The following NAALADL2 variants were observed in gnomAD, a reference collection of about 807,000 sequenced individuals.
NAALADL2 encodes inactive N-acetylated-alpha-linked acidic dipeptidase-like protein 2.
A neutral mutation model predicts 87.2 loss-of-function variants in NAALADL2; 76 were observed. The observed-to-expected ratio is 0.87, with a 90% CI of 0.72 to 1.05. NAALADL2 has a LOEUF of 1.05. NAALADL2 is among the 50% of genes least tolerant of loss of function. The pLI is 0.00. For missense variants in NAALADL2, 1,089 were observed against 945.8 expected, an observed-to-expected ratio of 1.15 and a Z score of -1.99; for synonymous variants, 354 against 331.0, an observed-to-expected ratio of 1.07 and a Z score of -0.75.
chr3:174,497,712 G>A (rs1034864271), intron 1 of NAALADL2, among the ~76,000 whole-genome samples: 5 of 152,088 alleles, frequency 3.3e-5, no homozygotes, highest in East Asian at 1.9e-4. Context: ...TGAAGCTGGC[G>A]CAGACTGACT....
intron 1 of NAALADL2, among the ~76,000 whole-genome samples, chr3:175,070,018 A>T (rs1474805532): frequency 1.0e-5 from 1 of 97,040 alleles, no homozygotes. Context: ...GTTGTGGGGT[A>T]GGGGGAGGGG....
intron 2 of NAALADL2, among the ~76,000 whole-genome samples, chr3:174,553,020 A>C (rs1712335687): frequency 6.6e-6 from 1 of 152,100 alleles, no homozygotes; most frequent in East Asian, 1.9e-4. Context: ...TGAGATTAAT[A>C]AATGGTGGAC....
intron 11 of NAALADL2, among the ~76,000 whole-genome samples, chr3:175,651,534 T>C (rs1730767185): frequency 6.6e-6 from 1 of 152,150 alleles, no homozygotes; most frequent in Non-Finnish European, 1.5e-5. Context: ...TATTTAAAGA[T>C]AGGACAGCAG....
In NAALADL2 at chr3:175,033,746, A is replaced by G. The variant is rs1753061952; in HGVS notation, c.44-63044A>G. ...GGAATATCACAAGCTCAATGCTTGG[A>G]ACTCTTTCTTCTCCCTTTACTCTCA... is the stretch of plus-strand genomic sequence containing the variant. On this transcript the variant is annotated intron_variant, in intron 1 of 13. Coordinates refer to ENST00000454872, the MANE Select transcript of NAALADL2 (RefSeq NM_207015.3). Among the ~76,000 whole-genome samples, 3 of 152,094 alleles carry G rather than the reference A, an allele frequency of 2.0e-5. No homozygotes were observed. In the South Asian group the frequency reaches 6.2e-4, roughly 32 times the overall value.
chr3:175,606,056 A>C lies in NAALADL2; in HGVS notation c.1801-21235A>C, dbSNP rs138716388. Among the ~76,000 whole-genome samples the C allele has an allele frequency of 9.2e-3, 1,406 of 152,276 alleles. 19 individuals are homozygous for C. Among genetic ancestry groups the C allele is most frequent in the African/African-American group, 0.03 (1,258 of 41,546 alleles). ...CAGCAAGTTTTAGCAACTGTTCTTT[A>C]CATCACTACGATGTTGTATGTCCTC... On this transcript the variant is annotated intron_variant, in intron 10 of 13. Coordinates refer to ENST00000454872, the MANE Select transcript of NAALADL2 (RefSeq NM_207015.3).
chr3:175,612,025 G>A (rs943608784), intron 10 of NAALADL2, among the ~76,000 whole-genome samples: 1 of 152,118 alleles, frequency 6.6e-6, no homozygotes, highest in Non-Finnish European at 1.5e-5. Flanking sequence ...AGATATTCCA[G>A]AAATATTCTT....
intron 9 of NAALADL2, among the ~76,000 whole-genome samples, chr3:175,508,192 A>C (rs756675142): frequency 6.6e-6 from 1 of 152,220 alleles, no homozygotes; most frequent in Non-Finnish European, 1.5e-5. Context: ...CAAGTCATTC[A>C]TGAGGGATCT....
At chr3:175,471,525 G>A in intron 8 of NAALADL2, 114 bp from the exon 9 acceptor site, 4 of 639,124 alleles carry the variant, frequency 6.3e-6, no homozygotes, top group Non-Finnish European at 1.1e-5. Context: ...AGGTAATTAT[G>A]CAATATAATA....
At chr3:174,834,873 A>G (rs904662929) in intron 3 of NAALADL2, among the ~76,000 whole-genome samples, 3 of 151,866 alleles carry the variant, frequency 2.0e-5, no homozygotes, top group Non-Finnish European at 2.9e-5. Flanking sequence ...ATTGACCTTT[A>G]GATTTCATTT....
At chr3:174,650,567 C>G (rs1724253220) in intron 2 of NAALADL2, among the ~76,000 whole-genome samples, 1 of 152,096 alleles carries the variant, frequency 6.6e-6, no homozygotes, top group African/African-American at 2.4e-5. Flanking sequence ...TGGAATTCAT[C>G]TTAAGAATTT....
intron 10 of NAALADL2, among the ~76,000 whole-genome samples, chr3:175,619,276 A>AAGAG (rs1401997946): frequency 1.4e-5 from 2 of 148,094 alleles, no homozygotes; most frequent in Admixed American, 6.7e-5. Context: ...AGGAGAAGGA[A>AAGAG]AGAAAGAAAG....
chr3:175,488,319 A>G (rs543142713), intron 9 of NAALADL2, among the ~76,000 whole-genome samples: 2 of 152,334 alleles, frequency 1.3e-5, no homozygotes, highest in African/African-American at 4.8e-5. Flanking sequence ...TCTAGCTATA[A>G]TCTAGAACAT....
At chr3:175,289,139 G>GC (rs60830261) in intron 4 of NAALADL2, among the ~76,000 whole-genome samples, 112,975 of 151,816 alleles carry the variant, frequency 0.74, 42,492 homozygotes, top group Non-Finnish European at 0.79. Flanking sequence ...GCAATAATTA[G>GC]AAAAAAATTA....
At chr3:175,332,905 CTG>C (rs1028411332) in intron 5 of NAALADL2, among the ~76,000 whole-genome samples, 1 of 152,142 alleles carries the variant, frequency 6.6e-6, no homozygotes, top group African/African-American at 2.4e-5. Flanking sequence ...GCTGGGCACT[CTG>C]GTATTGGGTG....
chr3:174,840,185 A>AT (rs1391440263), intron 3 of NAALADL2, among the ~76,000 whole-genome samples: 2 of 151,706 alleles, frequency 1.3e-5, no homozygotes, highest in Non-Finnish European at 2.9e-5. Flanking sequence ...GATGTATGAT[A>AT]CATATAAATA....
intron 4 of NAALADL2, among the ~76,000 whole-genome samples, chr3:175,304,708 T>C (rs1757486576): frequency 6.6e-6 from 1 of 152,200 alleles, no homozygotes; most frequent in Admixed American, 6.5e-5. Flanking sequence ...TCTGGAAATA[T>C]TTAGTTTATC....
chr3:174,493,346 TATAA>T (rs1285835134), intron 1 of NAALADL2, among the ~76,000 whole-genome samples: 1 of 152,192 alleles, frequency 6.6e-6, no homozygotes, highest in Non-Finnish European at 1.5e-5. Context: ...GGCATGATTA[TATAA>T]AGATACAGGA....
At chr3:175,550,028 G>A (rs1714077952) in intron 9 of NAALADL2, among the ~76,000 whole-genome samples, 1 of 152,028 alleles carries the variant, frequency 6.6e-6, no homozygotes, top group South Asian at 2.1e-4. Flanking sequence ...GTGGTTATGT[G>A]ACAAGACAAA....
intron 1 of NAALADL2, among the ~76,000 whole-genome samples, chr3:174,873,884 C>T (rs370785160): frequency 6.6e-5 from 10 of 151,618 alleles, no homozygotes; most frequent in African/African-American, 1.5e-4. Flanking sequence ...GCTTCCTCCT[C>T]AAGGAATAAA....
Sources: gnomAD v4.1 joint callset for allele counts (sites outside exome capture counted in the v4.1 genomes callset) on GRCh38, gnomAD v4.1.1 for gene constraint, MANE v1.5 for transcripts, NCBI Gene and HGNC (gene_info 2026-07-23, HGNC 2026-07-21) for gene names.